The following PLCG2 variants were observed in gnomAD, a reference collection of about 807,000 sequenced individuals.
The protein encoded by PLCG2 is phospholipase C gamma 2, also known as 1-phosphatidylinositol 4,5-bisphosphate phosphodiesterase gamma-2.
PLCG2 carries 69 observed loss-of-function variants against 175.6 expected under a neutral mutation model. The observed-to-expected ratio is 0.39, with a 90% confidence interval of 0.32 to 0.48. The LOEUF (loss-of-function observed/expected upper bound fraction) is 0.48, where lower values mean the gene tolerates loss of function less well. PLCG2 is among the 20% of genes least tolerant of loss of function. The pLI, the probability that PLCG2 is intolerant of heterozygous loss-of-function variation, is 0.91. For missense variants in PLCG2, 1,798 were observed against 1,650.9 expected, an observed-to-expected ratio of 1.09 and a Z score of -1.54; for synonymous variants, 827 against 624.0, an observed-to-expected ratio of 1.33 and a Z score of -4.85.
chr16:81,883,721 A>T, intron 9 of PLCG2: 1 of 281,646 alleles, frequency 3.6e-6, no homozygotes, highest in Non-Finnish European at 6.9e-6. Context: ...GCCTTCCTTG[A>T]CTGATGGGAG....
chr16:81,751,417 A>G (rs898994325), intron 1 of PLCG2, among the ~76,000 whole-genome samples: 1 of 152,252 alleles, frequency 6.6e-6, no homozygotes, highest in African/African-American at 2.4e-5. Flanking sequence ...TGTGGAATCT[A>G]AAACAGTCAA....
Position 81,905,486 on chromosome 16 carries a change from C to T in PLCG2, c.1446C>T (p.Tyr482=), listed in dbSNP as rs1567525903. The T allele has an allele frequency of 1.1e-5, 17 of 1,613,914 alleles. No homozygotes were observed. The highest frequency in any genetic ancestry group is 1.6e-4 in the Middle Eastern group (1 of 6,062). The part of the protein sequence containing the change: ...KDEHKQQGEL[Y]MWDSIDQKWT... ...AACACAAGCAACAGGGGGAGCTGTA[C>T]ATGTGGGATTCCATTGACCAGGTGG... is the stretch of plus-strand genomic sequence containing the variant. Residue 482 remains tyrosine (Y), a synonymous_variant, in exon 15 of 33, where the codon TAC becomes TAT. Transcript: ENST00000564138.
intron 30 of PLCG2, 59 bp from the exon 31 acceptor site, chr16:81,946,116 A>T: frequency 7.3e-7 from 1 of 1,371,152 alleles, no homozygotes. Context: ...CCTCCAAAAA[A>T]AATCTAAGGT....
intron 1 of PLCG2, among the ~76,000 whole-genome samples, chr16:81,742,846 C>T (rs537744889): frequency 6.6e-6 from 1 of 152,330 alleles, no homozygotes; most frequent in South Asian, 2.1e-4. Context: ...GTCCTCCCAG[C>T]TTTGAAGTTC....
chr16:81,906,557 G>T (rs1166294748), intron 15 of PLCG2, among the ~76,000 whole-genome samples: 1 of 152,140 alleles, frequency 6.6e-6, no homozygotes, highest in Non-Finnish European at 1.5e-5. Flanking sequence ...CCAAGTAACT[G>T]GGACCACAGA....
rs577379682 is a variant in PLCG2 at position 81,921,645 on chromosome 16, C to T, written c.2307+376C>T. 288 of 313,626 alleles carry T rather than the reference C, an allele frequency of 9.2e-4. 2 individuals are homozygous for T. Among genetic ancestry groups the T allele is most frequent in the Non-Finnish European group, 9.8e-4 (158 of 161,794 alleles). 19.4% of individuals were successfully genotyped at this position (313,626 alleles called of 1,614,324 possible). ...CAGTGCAAATGCTATCTCATATTCCCACCCTGACTCTGTTGTGTAATTTCA... is the reference window on the plus strand; with the variant it reads ...CAGTGCAAATGCTATCTCATATTCCTACCCTGACTCTGTTGTGTAATTTCA... On this transcript the variant is annotated intron_variant, in intron 21 of 32. Coordinates refer to ENST00000564138, the MANE Select transcript of PLCG2 (RefSeq NM_002661.5).
At chr16:81,956,610 G>A in intron 31 of PLCG2, 85 bp from the exon 32 acceptor site, 1 of 1,237,220 alleles carries the variant, frequency 8.1e-7, no homozygotes, top group Non-Finnish European at 1.1e-6. Context: ...TGCTCCCTTT[G>A]GGCATGCTTG....
intron 24 of PLCG2, among the ~76,000 whole-genome samples, chr16:81,929,526 G>A (rs1194083309): frequency 1.3e-5 from 2 of 152,188 alleles, no homozygotes; most frequent in Admixed American, 6.5e-5. Flanking sequence ...CTCCTGAGTA[G>A]CCGGGACTAC....
chr16:81,873,290 T>G (rs13330054), intron 7 of PLCG2, among the ~76,000 whole-genome samples: 67,017 of 152,004 alleles, frequency 0.44, 16,105 homozygotes, highest in Non-Finnish European at 0.53. Context: ...TTTAATCCCC[T>G]CTCCTTTAGA....
At chr16:81,877,973 A>ATTTTTTTT (rs71146052) in intron 7 of PLCG2, among the ~76,000 whole-genome samples, 8 of 55,760 alleles carry the variant, frequency 1.4e-4, no homozygotes, top group Non-Finnish European at 2.4e-4. Flanking sequence ...TTTTTTTTTA[A>ATTTTTTTT]TTTTTTTTTT....
chr16:81,818,315 T>C (rs1904641775), intron 2 of PLCG2, among the ~76,000 whole-genome samples: 1 of 152,190 alleles, frequency 6.6e-6, no homozygotes. Flanking sequence ...CTCTTCTCTT[T>C]GGGAGCATTG....
intron 2 of PLCG2, among the ~76,000 whole-genome samples, chr16:81,808,114 A>C (rs1461899317): frequency 6.6e-6 from 1 of 152,204 alleles, no homozygotes; most frequent in Non-Finnish European, 1.5e-5. Context: ...CATATGCAGG[A>C]TTTTGTGTAG....
chr16:81,819,723 T>A (rs954600262), intron 2 of PLCG2, among the ~76,000 whole-genome samples: 1 of 152,192 alleles, frequency 6.6e-6, no homozygotes, highest in African/African-American at 2.4e-5. Flanking sequence ...CAGCTGGGAT[T>A]ACAGGTACCC....
intron 2 of PLCG2, among the ~76,000 whole-genome samples, chr16:81,819,152 T>G: frequency 6.6e-6 from 1 of 151,624 alleles, no homozygotes; most frequent in Non-Finnish European, 1.5e-5. Context: ...TCAGTGGAGG[T>G]TGGCGGTGCT....
chr16:81,926,873 C>T (rs1206025326), intron 22 of PLCG2, among the ~76,000 whole-genome samples: 1 of 152,170 alleles, frequency 6.6e-6, no homozygotes, highest in Non-Finnish European at 1.5e-5. Flanking sequence ...GGGGTAAAAT[C>T]AGCCCCCAGT....
At chr16:81,881,015 G>A (rs1398558183) in intron 8 of PLCG2, 62 bp downstream of exon 8, 4 of 1,536,852 alleles carry the variant, frequency 2.6e-6, no homozygotes, top group African/African-American at 1.4e-5. Context: ...CTGGTGCCCA[G>A]CCGGCCTCCA....
chr16:81,926,385 T>A (rs1910276724), intron 22 of PLCG2, among the ~76,000 whole-genome samples: 1 of 152,190 alleles, frequency 6.6e-6, no homozygotes, highest in East Asian at 1.9e-4. Context: ...GGCGTTTGCA[T>A]GTCTGGGCAC....
At chr16:81,775,231 G>A (rs1910373306), upstream of PLCG2, among the ~76,000 whole-genome samples, 1 of 152,106 alleles carries the variant, frequency 6.6e-6, no homozygotes, top group South Asian at 2.1e-4. Context: ...TTTACCTTCC[G>A]ATAGGCCCGC....
At chr16:81,903,543 C>T (rs970727236) in intron 14 of PLCG2, among the ~76,000 whole-genome samples, 1 of 152,200 alleles carries the variant, frequency 6.6e-6, no homozygotes, top group Non-Finnish European at 1.5e-5. Flanking sequence ...GTGCAGCCAC[C>T]TGGCTGGGGT....
Sources: gnomAD v4.1 joint callset for allele counts (sites outside exome capture counted in the v4.1 genomes callset) on GRCh38, gnomAD v4.1.1 for gene constraint, MANE v1.5 for transcripts, NCBI Gene and HGNC (gene_info 2026-07-23, HGNC 2026-07-21) for gene names.